Variants in AGBL4 observed in about 807,000 individuals in gnomAD.
AGBL4 encodes the protein AGBL carboxypeptidase 4.
A neutral mutation model predicts 66.4 loss-of-function variants in AGBL4; 58 were observed. The observed-to-expected ratio is 0.87, with a 90% CI of 0.71 to 1.09. The LOEUF (loss-of-function observed/expected upper bound fraction) is 1.09. Among genes scored for constraint, AGBL4 ranks in the 50% least tolerant of loss-of-function variants. The pLI is 0.00. For missense variants in AGBL4, 579 were observed against 631.0 expected (o/e 0.92, Z 0.88); for synonymous variants, 234 against 222.9 (o/e 1.05, Z -0.44).
At chr1:49,947,070 A>G (rs1371571311) in intron 1 of AGBL4, among the ~76,000 whole-genome samples, 1 of 151,316 alleles carries the variant, frequency 6.6e-6, no homozygotes, top group Non-Finnish European at 1.5e-5. Context: ...ATTAAAAAAA[A>G]AAGTTCAAGA....
intron 3 of AGBL4, among the ~76,000 whole-genome samples, chr1:49,572,959 C>G (rs111588234): frequency 0.049 from 7,428 of 152,216 alleles, 573 homozygotes; most frequent in African/African-American, 0.16. Flanking sequence ...TCCCAGCCTA[C>G]AGCTTTCTCC....
At chr1:49,616,156 C>A (rs909572184) in intron 3 of AGBL4, among the ~76,000 whole-genome samples, 1 of 152,106 alleles carries the variant, frequency 6.6e-6, no homozygotes, top group South Asian at 2.1e-4. Flanking sequence ...TTCTTTATAT[C>A]ATTTAATCTT....
intron 4 of AGBL4, among the ~76,000 whole-genome samples, chr1:49,063,652 G>C (rs943853326): frequency 1.3e-5 from 2 of 152,172 alleles, no homozygotes; most frequent in Admixed American, 1.3e-4. Context: ...GTGGTGACAA[G>C]TGATATGAGG....
At chr1:49,068,190 AT>A (rs1375579967) in intron 4 of AGBL4, among the ~76,000 whole-genome samples, 3 of 152,058 alleles carry the variant, frequency 2.0e-5, no homozygotes, top group Non-Finnish European at 4.4e-5. Flanking sequence ...CTACCAAATA[AT>A]GGTTCATTTT....
At chr1:49,918,232 A>G (rs1220899481) in intron 1 of AGBL4, among the ~76,000 whole-genome samples, 1 of 152,186 alleles carries the variant, frequency 6.6e-6, no homozygotes, top group Non-Finnish European at 1.5e-5. Context: ...AATAACTAAG[A>G]TCAGAGCAGC....
chr1:49,282,933 G>A (rs895923704), intron 3 of AGBL4, among the ~76,000 whole-genome samples: 9 of 152,168 alleles, frequency 5.9e-5, no homozygotes, highest in Admixed American at 4.6e-4. Flanking sequence ...AGGCGGCAGC[G>A]AGGCTGGGGG....
intron 6 of AGBL4, among the ~76,000 whole-genome samples, chr1:48,708,612 G>C (rs535089786): frequency 6.6e-6 from 1 of 152,344 alleles, no homozygotes; most frequent in African/African-American, 2.4e-5. Context: ...CTTCTAGGCA[G>C]GGAGGTCATG....
chr1:48,562,256 G>A, intron 11 of AGBL4, among the ~76,000 whole-genome samples: 1 of 152,188 alleles, frequency 6.6e-6, no homozygotes, highest in Non-Finnish European at 1.5e-5. Flanking sequence ...TAAGATATGG[G>A]AAAGAACGAT....
intron 1 of AGBL4, among the ~76,000 whole-genome samples, chr1:49,925,746 C>T (rs968406078): frequency 3.9e-5 from 6 of 152,150 alleles, no homozygotes; most frequent in Non-Finnish European, 7.3e-5. Context: ...GGCGGTGCTC[C>T]CCGTGGGCAG....
rs891878719 is a variant in AGBL4, at chr1:48,956,446, C to T, written c.594+89138G>A. On this transcript the variant is annotated intron_variant, in intron 5 of 13. Coordinates refer to ENST00000371839, the MANE Select transcript of AGBL4 (RefSeq NM_032785.4). ...AATCAATGGCTTTCCATCACAAGAGCCATTTTCTTATAGAAATATTTAAAA... is the reference window on the plus strand; with the variant it reads ...AATCAATGGCTTTCCATCACAAGAGTCATTTTCTTATAGAAATATTTAAAA... Among the ~76,000 whole-genome samples, 29 of 152,276 alleles carry T rather than the reference C, an allele frequency of 1.9e-4. No individual in the cohort carries two copies. In the Middle Eastern group the frequency reaches 0.01, roughly 54 times the overall value.
chr1:48,717,234 C>T (rs1388008116), intron 6 of AGBL4, among the ~76,000 whole-genome samples: 2 of 152,224 alleles, frequency 1.3e-5, no homozygotes, highest in African/African-American at 4.8e-5. Flanking sequence ...CTTTTGCACT[C>T]TTCCCCACAC....
chr1:49,948,722 C>T, intron 1 of AGBL4, among the ~76,000 whole-genome samples: 1 of 150,506 alleles, frequency 6.6e-6, no homozygotes, highest in Non-Finnish European at 1.5e-5. Flanking sequence ...ATCCTATGTT[C>T]ATGGATGGGT....
At chr1:49,855,088 A>G (rs900134867) in intron 1 of AGBL4, among the ~76,000 whole-genome samples, 1 of 152,152 alleles carries the variant, frequency 6.6e-6, no homozygotes, top group African/African-American at 2.4e-5. Context: ...GAGTCAATTA[A>G]ACCTCTTTTC....
At chr1:48,616,426 A>T (rs554397988) in intron 9 of AGBL4, among the ~76,000 whole-genome samples, 3 of 152,346 alleles carry the variant, frequency 2.0e-5, no homozygotes, top group East Asian at 1.9e-4. Flanking sequence ...ACCAGTAAGC[A>T]TAATTGGTAC....
At chr1:49,073,163 T>C (rs1026134395) in intron 4 of AGBL4, among the ~76,000 whole-genome samples, 13 of 152,192 alleles carry the variant, frequency 8.5e-5, no homozygotes, top group Non-Finnish European at 2.9e-5. Context: ...TTTTCAAGGC[T>C]CTTAGCTTCT....
chr1:48,781,717 A>T (rs986728557), intron 6 of AGBL4, among the ~76,000 whole-genome samples: 1 of 152,086 alleles, frequency 6.6e-6, no homozygotes, highest in African/African-American at 2.4e-5. Flanking sequence ...GGTCTTTTTT[A>T]CTTGCACTGA....
At chr1:48,807,992 G>C (rs1281495640) in intron 6 of AGBL4, among the ~76,000 whole-genome samples, 1 of 152,128 alleles carries the variant, frequency 6.6e-6, no homozygotes, top group African/African-American at 2.4e-5. Flanking sequence ...ACAAAGGGAA[G>C]AGAAGGAAAA....
At chr1:49,703,394 G>A (rs546162847) in intron 2 of AGBL4, among the ~76,000 whole-genome samples, 1 of 151,606 alleles carries the variant, frequency 6.6e-6, no homozygotes, top group African/African-American at 2.4e-5. Context: ...ATCCAAGAAG[G>A]CAAGTTTCTT....
chr1:49,174,707 A>C (rs1403699488), intron 4 of AGBL4: 1 of 152,150 alleles, frequency 6.6e-6, no homozygotes, highest in East Asian at 1.9e-4. Flanking sequence ...TGAATTCTCT[A>C]TTAGAAAGTC....
Sources: allele counts gnomAD v4.1 joint callset (sites outside exome capture counted in the v4.1 genomes callset), GRCh38; gene constraint gnomAD v4.1.1; transcripts MANE v1.5; gene names NCBI Gene and HGNC (gene_info 2026-07-23, HGNC 2026-07-21).